The following TMEM132C variants were observed in gnomAD, a reference collection of about 807,000 sequenced individuals.
The protein encoded by TMEM132C is transmembrane protein 132C.
Under a neutral mutation model 61.4 loss-of-function variants are expected in TMEM132C, and 29 were observed. That is an observed-to-expected ratio of 0.47 (90% CI 0.35 to 0.64). The LOEUF (loss-of-function observed/expected upper bound fraction) is 0.64. Ranked by LOEUF, TMEM132C falls within the 30% of genes least tolerant of loss-of-function variation. The pLI, the probability that TMEM132C is intolerant of heterozygous loss-of-function variation, is 0.00. For synonymous variants in TMEM132C, 656 were observed against 633.1 expected (o/e 1.04, Z -0.54); for missense variants, 1,408 against 1,476.9 (o/e 0.95, Z 0.76).
At chr12:128,416,099 G>C (rs1259707260) in intron 2 of TMEM132C, among the ~76,000 whole-genome samples, 1 of 152,168 alleles carries the variant, frequency 6.6e-6, no homozygotes, top group East Asian at 1.9e-4. Context: ...AAGATTGCCA[G>C]TTAGTGTCTG....
At chr12:128,379,266 AT>A in intron 1 of TMEM132C, among the ~76,000 whole-genome samples, 1 of 152,264 alleles carries the variant, frequency 6.6e-6, no homozygotes, top group Non-Finnish European at 1.5e-5. Context: ...AGAAAAAGAT[AT>A]TGATTTCCTG....
At chr12:128,583,870 A>G (rs1565981672) in intron 3 of TMEM132C, among the ~76,000 whole-genome samples, 1 of 152,224 alleles carries the variant, frequency 6.6e-6, no homozygotes, top group Non-Finnish European at 1.5e-5. Context: ...CCTGCAGAGA[A>G]AAAGCTGAAT....
intron 1 of TMEM132C, among the ~76,000 whole-genome samples, chr12:128,330,158 C>G (rs1193389): frequency 0.16 from 24,916 of 152,090 alleles, 4,601 homozygotes; most frequent in African/African-American, 0.46. Context: ...CACAAGTATA[C>G]AGGCACAATG....
intron 1 of TMEM132C, among the ~76,000 whole-genome samples, chr12:128,299,693 G>A (rs1007788639): frequency 6.6e-6 from 1 of 152,174 alleles, no homozygotes; most frequent in African/African-American, 2.4e-5. Flanking sequence ...ATCAGGCAAG[G>A]GTGTATAGCT....
At chr12:128,315,451 G>A (rs1341500991) in intron 1 of TMEM132C, among the ~76,000 whole-genome samples, 4 of 152,146 alleles carry the variant, frequency 2.6e-5, no homozygotes, top group East Asian at 1.9e-4. Flanking sequence ...AGAAAACCGC[G>A]CCATTTCAGA....
intron 3 of TMEM132C, among the ~76,000 whole-genome samples, chr12:128,562,699 A>T (rs1874565766): frequency 6.6e-6 from 1 of 152,176 alleles, no homozygotes; most frequent in Non-Finnish European, 1.5e-5. Context: ...AGACAAGGGC[A>T]AGCGACCATC....
intron 2 of TMEM132C, among the ~76,000 whole-genome samples, chr12:128,419,921 G>A (rs1409148431): frequency 1.3e-5 from 2 of 152,092 alleles, no homozygotes; most frequent in Admixed American, 1.3e-4. Context: ...GGTTGGGTAT[G>A]GTAGCTCACA....
At chr12:128,349,489 C>G (rs1472076892) in intron 1 of TMEM132C, among the ~76,000 whole-genome samples, 1 of 152,126 alleles carries the variant, frequency 6.6e-6, no homozygotes, top group African/African-American at 2.4e-5. Flanking sequence ...GGGGTTTATG[C>G]TACTACAAAG....
intron 1 of TMEM132C, among the ~76,000 whole-genome samples, chr12:128,397,521 C>A (rs1875004405): frequency 1.3e-5 from 2 of 152,098 alleles, no homozygotes; most frequent in Admixed American, 6.5e-5. Flanking sequence ...TACAAACCAC[C>A]ATAAAGCAGA....
Position 128,507,155 on chromosome 12 carries a change from C to A in TMEM132C, c.975-36802C>A, listed in dbSNP as rs1032066049. Among the ~76,000 whole-genome samples the A allele has an allele frequency of 2.0e-5, 3 of 152,104 alleles. No homozygotes were observed. In the East Asian group the frequency reaches 5.8e-4, roughly 29 times the overall value. On this transcript the variant is annotated intron_variant, in intron 2 of 8. Coordinates refer to ENST00000435159, the MANE Select transcript of TMEM132C (RefSeq NM_001136103.3). ...ATCAGTCTGAGTTGGGTTTCTGCTG[C>A]TTACAACCAAAAAATCCCTGACCAA...
chr12:128,705,456 C>A lies in TMEM132C; in HGVS notation c.2488C>A (p.His830Asn). 1 of 1,551,088 alleles carries A rather than the reference C, an allele frequency of 6.4e-7. No individual in the cohort carries two copies. Among genetic ancestry groups the A allele is most frequent in the Non-Finnish European group, 8.7e-7 (1 of 1,146,948 alleles). ...CAGCGACCGCCGGCAGAAGGGCCAG[C>A]ACCATGAGCGCACAGGCCAAGATGG... ...HASDRRQKGQHHERTGQDGHL... is the reference protein window; with the variant it reads ...HASDRRQKGQNHERTGQDGHL... The change falls in exon 9 of 9, where the codon CAC becomes AAC. Residue 830 changes from histidine (H) to asparagine (N), a missense_variant. Coordinates refer to ENST00000435159, the MANE Select transcript of TMEM132C (RefSeq NM_001136103.3).
chr12:128,518,934 C>T (rs1872811210), intron 2 of TMEM132C, among the ~76,000 whole-genome samples: 1 of 152,052 alleles, frequency 6.6e-6, no homozygotes, highest in South Asian at 2.1e-4. Context: ...AGTACCACCC[C>T]CTGCCTTTGT....
chr12:128,351,120 C>CCA (rs1873324932), intron 1 of TMEM132C, among the ~76,000 whole-genome samples: 1 of 152,146 alleles, frequency 6.6e-6, no homozygotes, highest in Non-Finnish European at 1.5e-5. Context: ...CTGTAACTCA[C>CCA]CACTGACCCT....
At chr12:128,411,861 G>A (rs1354915388) in intron 1 of TMEM132C, among the ~76,000 whole-genome samples, 1 of 152,120 alleles carries the variant, frequency 6.6e-6, no homozygotes, top group Non-Finnish European at 1.5e-5. Context: ...ACCCACTGCA[G>A]GTTTCATTTT....
chr12:128,402,264 A>T (rs754983913), intron 1 of TMEM132C, among the ~76,000 whole-genome samples: 52 of 152,190 alleles, frequency 3.4e-4, no homozygotes, highest in Admixed American at 6.5e-4. Context: ...GTTCATGGGT[A>T]TATGTGAGGG....
intron 1 of TMEM132C, among the ~76,000 whole-genome samples, chr12:128,372,249 A>G (rs1265831079): frequency 6.6e-6 from 1 of 152,198 alleles, no homozygotes; most frequent in Non-Finnish European, 1.5e-5. Flanking sequence ...GCTTTTTACA[A>G]CAGCTACCAC....
In TMEM132C at chr12:128,705,356, G is replaced by A. The variant is rs1394452586; in HGVS notation, c.2388G>A (p.Arg796=). ...TGGCTGTGGGCGTCGGCAACGTCAG[G>A]GTCAAGTTCGGACAGAACGATGCTG... is the stretch of plus-strand genomic sequence containing the variant. ...SILAVGVGNV[R]VKFGQNDADS... is the part of the protein sequence containing the mutation. The change falls in exon 9 of 9, where the codon AGG becomes AGA. Residue 796 remains arginine, a synonymous_variant. Coordinates refer to ENST00000435159, the MANE Select transcript of TMEM132C (RefSeq NM_001136103.3). 6.4e-7 allele frequency: 1 copy of A among 1,551,482 alleles called. No homozygotes were observed. The highest frequency in any genetic ancestry group is 8.7e-7 in the Non-Finnish European group (1 of 1,146,978).
chr12:128,551,122 A>G (rs1358507434), intron 3 of TMEM132C, among the ~76,000 whole-genome samples: 1 of 152,038 alleles, frequency 6.6e-6, no homozygotes, highest in Non-Finnish European at 1.5e-5. Context: ...AAAGGAAACA[A>G]CATCCTTAAT....
At chr12:128,670,263 C>T (rs1025055984) in intron 5 of TMEM132C, among the ~76,000 whole-genome samples, 1 of 152,134 alleles carries the variant, frequency 6.6e-6, no homozygotes. Context: ...GAGCTGAGAT[C>T]GTGCCACTGC....
Sources: allele counts gnomAD v4.1 joint callset (sites outside exome capture counted in the v4.1 genomes callset), GRCh38; gene constraint gnomAD v4.1.1; transcripts MANE v1.5; gene names NCBI Gene and HGNC (gene_info 2026-07-23, HGNC 2026-07-21).